ERBB4: variants seen among roughly 807,000 people sequenced by gnomAD.
ERBB4 encodes the protein erb-b2 receptor tyrosine kinase 4.
A neutral mutation model predicts 158.0 loss-of-function variants in ERBB4; 42 were observed. The observed-to-expected ratio is 0.27, with a 90% CI of 0.21 to 0.34. The LOEUF is 0.34. ERBB4 is among the 10% of genes least tolerant of loss of function. The probability of loss-of-function intolerance (pLI) is 1.00; values close to 1 mark genes in which losing one functional copy is unlikely to be tolerated. For missense variants in ERBB4, 1,333 were observed against 1,624.1 expected, an observed-to-expected ratio of 0.82 and a Z score of 3.08; for synonymous variants, 583 against 558.7, an observed-to-expected ratio of 1.04 and a Z score of -0.61.
intron 3 of ERBB4, 26 bp from the exon 4 acceptor site, chr2:211,788,185 T>G (rs765415789): frequency 3.1e-6 from 5 of 1,591,876 alleles, no homozygotes; most frequent in East Asian, 2.2e-5. Context: ...AATAAACAAA[T>G]TTTTTGTCAA....
chr2:211,865,654 A>G (rs2078185548), intron 3 of ERBB4, among the ~76,000 whole-genome samples: 1 of 152,096 alleles, frequency 6.6e-6, no homozygotes, highest in South Asian at 2.1e-4. Flanking sequence ...TCTGTTGGGA[A>G]TAACTAACTG....
intron 3 of ERBB4, among the ~76,000 whole-genome samples, chr2:211,807,143 T>C (rs2076636906): frequency 1.3e-5 from 2 of 152,052 alleles, no homozygotes; most frequent in Non-Finnish European, 2.9e-5. Flanking sequence ...AGGAGACTGT[T>C]GATTTTTTTT....
At chr2:211,850,925 T>C (rs984071672) in intron 3 of ERBB4, among the ~76,000 whole-genome samples, 1 of 152,000 alleles carries the variant, frequency 6.6e-6, no homozygotes, top group Admixed American at 6.6e-5. Context: ...CACAATTATA[T>C]GTATCAGGTT....
At chr2:211,586,920 T>C (rs1260698834) in intron 19 of ERBB4, among the ~76,000 whole-genome samples, 3 of 152,164 alleles carry the variant, frequency 2.0e-5, no homozygotes, top group Admixed American at 1.3e-4. Flanking sequence ...AAGAAAAATA[T>C]ATATTGAAGT....
At chr2:212,339,288 T>C (rs1442379758) in intron 1 of ERBB4, among the ~76,000 whole-genome samples, 1 of 152,176 alleles carries the variant, frequency 6.6e-6, no homozygotes, top group Non-Finnish European at 1.5e-5. Context: ...CCTGCATTAG[T>C]TTGCTGAGGA....
At chr2:212,335,237 CAAAAT>C (rs1473291978) in intron 1 of ERBB4, among the ~76,000 whole-genome samples, 2 of 151,648 alleles carry the variant, frequency 1.3e-5, no homozygotes, top group Non-Finnish European at 2.9e-5. Context: ...TGGAGGGTCT[CAAAAT>C]AAGGCACAGA....
chr2:211,700,582 C>T (rs1184412477), intron 12 of ERBB4, among the ~76,000 whole-genome samples: 2 of 152,026 alleles, frequency 1.3e-5, no homozygotes, highest in African/African-American at 2.4e-5. Flanking sequence ...GACTGAGCTG[C>T]CTTAAATTAT....
intron 3 of ERBB4, among the ~76,000 whole-genome samples, chr2:211,875,844 T>A (rs1362256937): frequency 6.6e-6 from 1 of 152,168 alleles, no homozygotes; most frequent in East Asian, 1.9e-4. Flanking sequence ...GATACACACA[T>A]ACATTTTGTT....
At chr2:211,445,189 A>T (rs1430456053) in intron 20 of ERBB4, among the ~76,000 whole-genome samples, 3 of 152,124 alleles carry the variant, frequency 2.0e-5, no homozygotes, top group Non-Finnish European at 2.9e-5. Flanking sequence ...AAACAAATTG[A>T]CTTGATCAGA....
chr2:211,654,841 T>C (rs1010706440), intron 16 of ERBB4, among the ~76,000 whole-genome samples: 12 of 152,178 alleles, frequency 7.9e-5, no homozygotes, highest in Non-Finnish European at 1.5e-4. Context: ...TGGGCTGTAC[T>C]TTCTGTATTA....
At chr2:212,274,942 G>T (rs2085473063) in intron 1 of ERBB4, among the ~76,000 whole-genome samples, 1 of 151,536 alleles carries the variant, frequency 6.6e-6, no homozygotes. Flanking sequence ...CCACCAGCAG[G>T]CCCCACTGTG....
chr2:211,684,769 TGAG>T (rs2072496007), intron 12 of ERBB4, among the ~76,000 whole-genome samples: 1 of 152,212 alleles, frequency 6.6e-6, no homozygotes, highest in Admixed American at 6.5e-5. Context: ...AAGGACCCTA[TGAG>T]GAGATGACTC....
chr2:212,519,082 G>T (rs922806669), intron 1 of ERBB4, among the ~76,000 whole-genome samples: 2 of 151,924 alleles, frequency 1.3e-5, no homozygotes, highest in African/African-American at 4.8e-5. Flanking sequence ...TTCTGACTGG[G>T]AAAAATGAAA....
intron 1 of ERBB4, among the ~76,000 whole-genome samples, chr2:212,523,451 T>C (rs1373481588): frequency 1.3e-5 from 2 of 152,046 alleles, no homozygotes; most frequent in Admixed American, 6.6e-5. Context: ...TATGCTTATA[T>C]TCTCTATTGT....
chr2:211,881,031 G>A (rs752597237), intron 3 of ERBB4, among the ~76,000 whole-genome samples: 4 of 152,132 alleles, frequency 2.6e-5, no homozygotes, highest in Non-Finnish European at 5.9e-5. Context: ...CAAGACCATG[G>A]CACTCAGATC....
intron 25 of ERBB4, among the ~76,000 whole-genome samples, chr2:211,395,507 TATTTA>T (rs1288583865): frequency 6.6e-6 from 1 of 152,068 alleles, no homozygotes; most frequent in African/African-American, 2.4e-5. Flanking sequence ...GAAACAAACC[TATTTA>T]TTTTTTAAAT....
At chr2:211,411,202 C>A (rs2063252999) in intron 25 of ERBB4, among the ~76,000 whole-genome samples, 1 of 152,074 alleles carries the variant, frequency 6.6e-6, no homozygotes, top group African/African-American at 2.4e-5. Context: ...CCACCACGCC[C>A]AGCCTAAGGT....
chr2:212,362,847 AG>A (rs1664784765), intron 1 of ERBB4, among the ~76,000 whole-genome samples: 1 of 151,400 alleles, frequency 6.6e-6, no homozygotes, highest in Non-Finnish European at 1.5e-5. Context: ...AGAGCTATTA[AG>A]TTTTAATTAT....
chr2:211,846,142 T>C (rs1230521720), intron 3 of ERBB4, among the ~76,000 whole-genome samples: 2 of 151,966 alleles, frequency 1.3e-5, no homozygotes, highest in Non-Finnish European at 2.9e-5. Context: ...CTAGCAATTC[T>C]AGTTTTAGCC....
Sources: gnomAD v4.1 joint callset for allele counts (sites outside exome capture counted in the v4.1 genomes callset) on GRCh38, gnomAD v4.1.1 for gene constraint, MANE v1.5 for transcripts, NCBI Gene and HGNC (gene_info 2026-07-23, HGNC 2026-07-21) for gene names.